EIF2B3: variants seen among roughly 807,000 people sequenced by gnomAD.
EIF2B3 encodes the protein eukaryotic translation initiation factor 2B subunit gamma.
Under a neutral mutation model 54.1 loss-of-function variants are expected in EIF2B3, and 20 were observed. That is an observed-to-expected ratio of 0.37 (90% confidence interval 0.26 to 0.54). The LOEUF (loss-of-function observed/expected upper bound fraction) is 0.54, where lower values mean the gene tolerates loss of function less well. Ranked by LOEUF, EIF2B3 falls within the 20% of genes least tolerant of loss-of-function variation. EIF2B3 has a pLI of 0.86. For missense variants in EIF2B3, 448 were observed against 547.8 expected, an observed-to-expected ratio of 0.82 and a Z score of 1.82; for synonymous variants, 153 against 188.1, an observed-to-expected ratio of 0.81 and a Z score of 1.52.
intron 9 of EIF2B3, 44 bp from the exon 10 acceptor site, chr1:44,874,870 A>C (rs778133362): frequency 6.2e-7 from 1 of 1,613,168 alleles, no homozygotes; most frequent in Non-Finnish European, 8.5e-7. Flanking sequence ...CATCTCAACC[A>C]ACTGCAAACC....
chr1:44,889,124 C>T (rs1450959854), intron 6 of EIF2B3, among the ~76,000 whole-genome samples: 6 of 152,158 alleles, frequency 3.9e-5, no homozygotes, highest in African/African-American at 7.2e-5. Flanking sequence ...CTCCATGAAC[C>T]ATCTTGAATT....
At chr1:44,916,250 C>A (rs949325670) in intron 5 of EIF2B3, among the ~76,000 whole-genome samples, 17 of 151,978 alleles carry the variant, frequency 1.1e-4, no homozygotes, top group Non-Finnish European at 2.4e-4. Flanking sequence ...GAGACAGGGT[C>A]TCTCTCTGTT....
At chr1:44,857,419 G>A (rs558973948) in intron 11 of EIF2B3, among the ~76,000 whole-genome samples, 9 of 151,940 alleles carry the variant, frequency 5.9e-5, no homozygotes, top group Middle Eastern at 3.4e-3. Flanking sequence ...TAATTCCAGC[G>A]ACTCAGGAGA....
intron 6 of EIF2B3, among the ~76,000 whole-genome samples, chr1:44,895,890 A>C (rs748389985): frequency 2.3e-4 from 35 of 152,230 alleles, no homozygotes; most frequent in Admixed American, 1.7e-3. Context: ...TCTTCTGCCT[A>C]TCAAGGCCTA....
At chr1:44,973,922 C>T (rs1644427862) in intron 3 of EIF2B3, among the ~76,000 whole-genome samples, 1 of 152,086 alleles carries the variant, frequency 6.6e-6, no homozygotes. Flanking sequence ...CTTAATACCA[C>T]TGAACTGTAC....
At chr1:44,927,454 C>T (rs1284574004) in intron 4 of EIF2B3, among the ~76,000 whole-genome samples, 1 of 151,986 alleles carries the variant, frequency 6.6e-6, no homozygotes, top group Admixed American at 6.6e-5. Flanking sequence ...AGAACAGCAC[C>T]AAGCCATGAG....
At chr1:44,876,053 C>T (rs1046160763) in intron 8 of EIF2B3, among the ~76,000 whole-genome samples, 4 of 152,204 alleles carry the variant, frequency 2.6e-5, no homozygotes, top group South Asian at 2.1e-4. Flanking sequence ...CCCGAGGTGC[C>T]GGGATTGCAG....
intron 3 of EIF2B3, among the ~76,000 whole-genome samples, chr1:44,948,930 C>T (rs758163335): frequency 2.6e-5 from 4 of 152,024 alleles, no homozygotes; most frequent in East Asian, 1.9e-4. Context: ...TAAAATGGCA[C>T]GATCACGGCT....
At chr1:44,869,438 A>T (rs144471997) in intron 10 of EIF2B3, among the ~76,000 whole-genome samples, 1,932 of 150,884 alleles carry the variant, frequency 0.013, 40 homozygotes, top group African/African-American at 0.045. Context: ...AGATCACGCC[A>T]TTGCACTCCA....
At chr1:44,971,528 T>C (rs756960623) in intron 3 of EIF2B3, among the ~76,000 whole-genome samples, 1 of 152,182 alleles carries the variant, frequency 6.6e-6, no homozygotes, top group Non-Finnish European at 1.5e-5. Context: ...GGAACTTATT[T>C]GCCTGGGACT....
intron 3 of EIF2B3, among the ~76,000 whole-genome samples, chr1:44,942,393 A>ATG (rs1207924714): frequency 0.013 from 163 of 12,754 alleles, 12 homozygotes; most frequent in Non-Finnish European, 0.02. Context: ...ATATATATAT[A>ATG]TATATATATA....
chr1:44,923,810 T>C (rs983931758), intron 5 of EIF2B3, among the ~76,000 whole-genome samples: 1 of 151,716 alleles, frequency 6.6e-6, no homozygotes, highest in African/African-American at 2.4e-5. Context: ...TCTTTCTTTC[T>C]TTCATTTTTT....
At chr1:44,872,997 G>A (rs556463132) in intron 10 of EIF2B3, among the ~76,000 whole-genome samples, 117 of 152,268 alleles carry the variant, frequency 7.7e-4, no homozygotes, top group African/African-American at 2.8e-3. Context: ...CTTGGGAGAG[G>A]CAATTATTAG....
At chr1:44,880,066 C>T in intron 7 of EIF2B3, 58 bp from the exon 8 acceptor site, 1 of 1,571,284 alleles carries the variant, frequency 6.4e-7, no homozygotes, top group Non-Finnish European at 8.7e-7. Context: ...AGAACAGATA[C>T]AGACTCAGTC....
At position 44,936,195 on chromosome 1, in the gene EIF2B3, G is replaced by A. The variant is rs527899128; in HGVS notation, c.454+5311C>T. Among the ~76,000 whole-genome samples the A allele has an allele frequency of 9.9e-5, 15 of 152,198 alleles. No homozygotes were observed. The Middle Eastern group carries it at 0.01, about 104-fold the overall frequency. Reference sequence around the variant, plus strand: ...TGGGTCTTGCTTACACTTCTAAGTTGTCCATTTCTTTCCTGAGAAAAAAAT... The same window carrying A: ...TGGGTCTTGCTTACACTTCTAAGTTATCCATTTCTTTCCTGAGAAAAAAAT... On this transcript the variant is annotated intron_variant, in intron 4 of 11. Coordinates refer to ENST00000360403, the MANE Select transcript of EIF2B3 (RefSeq NM_020365.5).
Position 44,866,092 on chromosome 1 carries a change from A to T in EIF2B3, c.1203-8285T>A, listed in dbSNP as rs531938765. On this transcript the variant is annotated intron_variant, in intron 10 of 11. Coordinates refer to ENST00000360403, the MANE Select transcript of EIF2B3 (RefSeq NM_020365.5). Reference sequence around the variant, plus strand: ...TATTAAGAAGTTAGGGGATATAAAGACATATAAAAATATTTCTATATTTAG... The same window carrying T: ...TATTAAGAAGTTAGGGGATATAAAGTCATATAAAAATATTTCTATATTTAG... 2.0e-5 allele frequency among the ~76,000 whole-genome samples: 3 copies of T among 152,224 alleles called. No homozygotes were observed. In the East Asian group the frequency reaches 5.8e-4, roughly 29 times the overall value.
chr1:44,914,949 A>G (rs1027075882), intron 5 of EIF2B3, among the ~76,000 whole-genome samples: 2 of 151,508 alleles, frequency 1.3e-5, no homozygotes, highest in Admixed American at 1.3e-4. Context: ...TCGGCCTCCC[A>G]AAGTGCTGGG....
intron 3 of EIF2B3, chr1:44,959,264 C>G (rs1644260353): frequency 1.4e-6 from 1 of 691,236 alleles, no homozygotes; most frequent in Non-Finnish European, 2.7e-6. Flanking sequence ...TCAGTTCAGA[C>G]CTTTTTTTTT....
chr1:44,965,634 C>CTT (rs386366856), intron 3 of EIF2B3, among the ~76,000 whole-genome samples: 13,601 of 102,250 alleles, frequency 0.13, 1,187 homozygotes, highest in Non-Finnish European at 0.16. Flanking sequence ...ACAAATGCAT[C>CTT]TTTTTTTTTT....
Sources: allele counts gnomAD v4.1 joint callset (sites outside exome capture counted in the v4.1 genomes callset), GRCh38; gene constraint gnomAD v4.1.1; transcripts MANE v1.5; gene names NCBI Gene and HGNC (gene_info 2026-07-23, HGNC 2026-07-21).